MROH7: variants seen among roughly 807,000 people sequenced by gnomAD.
The protein encoded by MROH7 is maestro heat like repeat family member 7, also known as maestro heat-like repeat-containing protein family member 7.
A neutral mutation model predicts 129.2 loss-of-function variants in MROH7; 113 were observed. The observed-to-expected ratio is 0.87, with a 90% CI of 0.75 to 1.02. The LOEUF is 1.02. Ranked by LOEUF, MROH7 falls within the 50% of genes least tolerant of loss-of-function variation. The pLI, the probability that MROH7 is intolerant of heterozygous loss-of-function variation, is 0.00. For missense variants in MROH7, 1,601 were observed against 1,671.3 expected (o/e 0.96, Z 0.73); for synonymous variants, 655 against 667.9 (o/e 0.98, Z 0.30).
At position 54,706,517 on chromosome 1, in the gene MROH7, A is replaced by G; in HGVS notation, c.3647A>G (p.Lys1216Arg). Residue 1216 changes from lysine (K) to arginine (R), a missense_variant, in exon 22 of 24, where the codon AAG becomes AGG. By Grantham distance (26) the Lys-to-Arg change is conservative. Coordinates refer to ENST00000421030, the MANE Select transcript of MROH7 (RefSeq NM_001039464.4). ...AAGAACTCACGGGCCTCCCTCCGGAAGTGCTCAGTCATGTTCATAGGTAAC... is the reference window on the plus strand; with the variant it reads ...AAGAACTCACGGGCCTCCCTCCGGAGGTGCTCAGTCATGTTCATAGGTAAC... ...YAKNSRASLR[K>R]CSVMFIGSLV... 6.2e-7 allele frequency: 1 copy of G among 1,613,104 alleles called. No homozygotes were observed. The highest frequency in any genetic ancestry group is 8.5e-7 in the Non-Finnish European group (1 of 1,179,842).
chr1:54,676,172 G>A (rs1404646796), intron 10 of MROH7, among the ~76,000 whole-genome samples: 1 of 152,052 alleles, frequency 6.6e-6, no homozygotes, highest in African/African-American at 2.4e-5. Context: ...GGCAACCCTA[G>A]GCCAAACTTA....
chr1:54,700,402 C>G lies in MROH7; in HGVS notation c.3046C>G (p.Pro1016Ala), dbSNP rs371783540. The change falls in exon 18 of 24, where the codon CCC becomes GCC. Residue 1016 changes from proline to alanine, a missense_variant. Physicochemically the swap from Pro to Ala is conservative, Grantham distance 27. Coordinates refer to ENST00000421030, the MANE Select transcript of MROH7 (RefSeq NM_001039464.4). The part of the protein sequence containing the change: ...RMAEGLSHHD[P>A]IMKVLSIRGL... ...GGCAGAAGGCCTGAGCCACCACGAC[C>G]CCATCATGAAGGTGCTGTCCATTCG... is the stretch of plus-strand genomic sequence containing the variant. 1 of 1,613,670 alleles carries G rather than the reference C, an allele frequency of 6.2e-7. No homozygotes were observed. Among genetic ancestry groups the G allele is most frequent in the Non-Finnish European group, 8.5e-7 (1 of 1,179,772 alleles).
intron 14 of MROH7, among the ~76,000 whole-genome samples, chr1:54,686,022 A>T (rs994170333): frequency 6.6e-6 from 1 of 152,076 alleles, no homozygotes; most frequent in African/African-American, 2.4e-5. Flanking sequence ...TTGCATAAAC[A>T]TCAAAGCCCT....
rs930363123 is a variant in MROH7 at position 54,663,698 on chromosome 1, A to AC, written c.1232-1469_1232-1468insC. 6.4e-4 allele frequency: 244 copies of AC among 378,346 alleles called. 1 individual carries two copies. The highest frequency in any genetic ancestry group is 1.6e-3 in the South Asian group (87 of 53,134). The allele number at this position is 378,346 out of a possible 1,614,324, so 23.4% of individuals were successfully genotyped here. ...CCCCATCAGCTCTAAAAAAAAAAAA[A>AC]AAACAAAAAAAAAACAAGCTTTTGT... On this transcript the variant is annotated intron_variant, in intron 3 of 23. Transcript: ENST00000421030.
chr1:54,687,154 A>C (rs1251406033), intron 15 of MROH7, among the ~76,000 whole-genome samples: 1 of 151,812 alleles, frequency 6.6e-6, no homozygotes, highest in Non-Finnish European at 1.5e-5. Context: ...GCTCACTGCA[A>C]CCTCCGTCTC....
chr1:54,653,159 A>G lies in MROH7; in HGVS notation c.233A>G (p.Glu78Gly), dbSNP rs192479874. The G allele has an allele frequency of 3.8e-4, 606 of 1,614,142 alleles. 1 individual carries two copies. The highest frequency in any genetic ancestry group is 4.8e-4 in the Non-Finnish European group (571 of 1,180,024). The change falls in exon 3 of 24, where the codon GAA becomes GGA. Residue 78 changes from glutamate (E) to glycine (G), a missense_variant. Glu to Gly is a moderately conservative substitution (Grantham distance 98, BLOSUM62 -2). Coordinates refer to ENST00000421030, the MANE Select transcript of MROH7 (RefSeq NM_001039464.4). ...GGGGAGGCCTCAGGCCTGGTGTCTG[A>G]AAACACCCCCAGACCTGATGACAGC... ...VSGEASGLVS[E>G]NTPRPDDSRA...
intron 11 of MROH7, among the ~76,000 whole-genome samples, 179 bp from the exon 12 acceptor site, chr1:54,679,080 TCTTA>T (rs1325143465): frequency 6.6e-6 from 1 of 152,212 alleles, no homozygotes; most frequent in Non-Finnish European, 1.5e-5. Flanking sequence ...GACATGTTGC[TCTTA>T]CTTTTGTAGC....
At position 54,653,813 on chromosome 1, in the gene MROH7, C is replaced by A; in HGVS notation, c.887C>A (p.Ser296Ter). The A allele has an allele frequency of 6.2e-7, 1 of 1,614,134 alleles. No individual in the cohort carries two copies. The highest frequency in any genetic ancestry group is 8.5e-7 in the Non-Finnish European group (1 of 1,180,000). The change falls in exon 3 of 24, where the codon TCG becomes TAG. Residue 296 changes from serine (S) to a stop codon, truncating the protein, a stop_gained. Transcript: ENST00000421030. LOFTEE classifies it high-confidence loss of function. The stretch of plus-strand genomic sequence containing the variant: ...TTGAGCGTGACCATCACTCAAGCCT[C>A]GTATGTGACCCTGATTCCTGGCTCC... ...SDLSVTITQA[S>*]YVTLIPGSSY...
chr1:54,679,143 C>A lies in MROH7; in HGVS notation c.2050-120C>A, dbSNP rs1024157032. The A allele has an allele frequency of 9.9e-6, 10 of 1,009,132 alleles. No individual in the cohort carries two copies. In the Admixed American group the frequency reaches 1.9e-4, roughly 20 times the overall value. 62.5% of individuals were successfully genotyped at this position (1,009,132 alleles called of 1,614,324 possible). On this transcript the variant is annotated intron_variant, in intron 11 of 23. Coordinates refer to ENST00000421030, the MANE Select transcript of MROH7 (RefSeq NM_001039464.4). ...TATGTGTTAACTGAATATTCCTGGC[C>A]CTCCCTGCTGACCTCTGCATGTGGG...
chr1:54,669,652 G>C (rs930921555), intron 5 of MROH7, among the ~76,000 whole-genome samples: 4 of 152,148 alleles, frequency 2.6e-5, no homozygotes, highest in South Asian at 4.1e-4. Context: ...AGCCTCTCGA[G>C]ATTTGGGACC....
intron 14 of MROH7, among the ~76,000 whole-genome samples, chr1:54,683,101 G>A (rs744745): frequency 0.53 from 80,095 of 151,824 alleles, 21,433 homozygotes; most frequent in East Asian, 0.61. Flanking sequence ...ACTTTGGGAG[G>A]CGGAGGCAGA....
intron 5 of MROH7, 62 bp downstream of exon 5, chr1:54,668,999 A>C (rs1271248873): frequency 1.2e-5 from 16 of 1,286,608 alleles, no homozygotes; most frequent in African/African-American, 1.2e-4. Context: ...TCCTGAGTCC[A>C]CCCACTGATG....
At chr1:54,674,475 G>C (rs1165051798) in intron 10 of MROH7, among the ~76,000 whole-genome samples, 1 of 152,056 alleles carries the variant, frequency 6.6e-6, no homozygotes, top group African/African-American at 2.4e-5. Context: ...TTGTTTTCCT[G>C]TCTGTTTTCC....
In MROH7 at chr1:54,701,182, G is replaced by A; in HGVS notation, c.3145G>A (p.Gly1049Ser). ...VKALLPSMVK[G>S]LKNMDGMLVV... ...GGCCCTCCTGCCCTCCATGGTGAAGGGCCTGAAGAACATGGATGGGATGCT... is the reference window on the plus strand; with the variant it reads ...GGCCCTCCTGCCCTCCATGGTGAAGAGCCTGAAGAACATGGATGGGATGCT... Residue 1049 changes from glycine to serine, a missense_variant, in exon 19 of 24, where the codon GGC becomes AGC. Transcript: ENST00000421030. 6.2e-7 allele frequency: 1 copy of A among 1,614,168 alleles called. No homozygotes were observed. The highest frequency in any genetic ancestry group is 8.5e-7 in the Non-Finnish European group (1 of 1,180,030).
chr1:54,693,071 C>A (rs572505935), intron 16 of MROH7, among the ~76,000 whole-genome samples: 1 of 152,294 alleles, frequency 6.6e-6, no homozygotes, highest in South Asian at 2.1e-4. Context: ...GTGGCTCATG[C>A]CTGTAATCCC....
chr1:54,686,922 G>C (rs1645157329), intron 15 of MROH7, among the ~76,000 whole-genome samples: 1 of 152,154 alleles, frequency 6.6e-6, no homozygotes, highest in Non-Finnish European at 1.5e-5. Flanking sequence ...GGATTATGCA[G>C]GGATAAACAC....
At position 54,679,873 on chromosome 1, in the gene MROH7, G is replaced by T. The variant is rs768180710; in HGVS notation, c.2227-18G>T. 1.3e-6 allele frequency: 2 copies of T among 1,598,894 alleles called. No homozygotes were observed. On this transcript the variant is annotated intron_variant, in intron 12 of 23. Coordinates refer to ENST00000421030, the MANE Select transcript of MROH7 (RefSeq NM_001039464.4). ...CTTGGCAGTCCCCTTGCTCATGGCT[G>T]CCCCGGCTGTGCCCCAGATCCCAGA...
At chr1:54,675,957 A>T (rs1644974404) in intron 10 of MROH7, among the ~76,000 whole-genome samples, 1 of 152,010 alleles carries the variant, frequency 6.6e-6, no homozygotes, top group East Asian at 1.9e-4. Flanking sequence ...TTTAAAAAAG[A>T]AAGAAAGAAA....
chr1:54,704,429 AT>A (rs34380712), intron 21 of MROH7, among the ~76,000 whole-genome samples: 1,881 of 112,238 alleles, frequency 0.017, 13 homozygotes, highest in African/African-American at 0.038. Context: ...CTAGAAACCT[AT>A]TTTTTTTTTT....
Sources: allele counts gnomAD v4.1 joint callset (sites outside exome capture counted in the v4.1 genomes callset), GRCh38; gene constraint gnomAD v4.1.1; transcripts MANE v1.5; gene names NCBI Gene and HGNC (gene_info 2026-07-23, HGNC 2026-07-21).